Variants in SLIT2 observed in about 807,000 individuals in gnomAD.
The protein encoded by SLIT2 is slit guidance ligand 2.
In SLIT2, 41 loss-of-function variants were observed where a neutral mutation model predicts 185.7. That is an observed-to-expected ratio of 0.22 (90% CI 0.17 to 0.29). The LOEUF (loss-of-function observed/expected upper bound fraction) is 0.29. Among genes scored for constraint, SLIT2 ranks in the 10% least tolerant of loss-of-function variants. The pLI is 1.00. For synonymous variants in SLIT2, 693 were observed against 680.2 expected (o/e 1.02, Z -0.29); for missense variants, 1,571 against 1,909.0 (o/e 0.82, Z 3.30).
chr4:20,406,692 C>G, intron 4 of SLIT2, among the ~76,000 whole-genome samples: 1 of 144,518 alleles, frequency 6.9e-6, no homozygotes, highest in East Asian at 2.5e-4. Flanking sequence ...ACTACAAGGA[C>G]TCTCAAACAT....
At chr4:20,298,698 A>T in intron 4 of SLIT2, among the ~76,000 whole-genome samples, 1 of 152,254 alleles carries the variant, frequency 6.6e-6, no homozygotes, top group Admixed American at 6.5e-5. Flanking sequence ...AAGCCCAAGA[A>T]ACACAATGAG....
intron 1 of SLIT2, among the ~76,000 whole-genome samples, chr4:20,255,426 G>C (rs1711711106): frequency 6.6e-6 from 1 of 152,206 alleles, no homozygotes; most frequent in African/African-American, 2.4e-5. Flanking sequence ...TACTAGGGGT[G>C]CCTTGTCAGG....
At chr4:20,417,364 G>A (rs967970226) in intron 4 of SLIT2, among the ~76,000 whole-genome samples, 2 of 149,716 alleles carry the variant, frequency 1.3e-5, no homozygotes, top group Non-Finnish European at 3.0e-5. Context: ...ATCTTCTTCT[G>A]ACATGCCCAG....
chr4:20,592,798 T>C (rs61375089), intron 30 of SLIT2, among the ~76,000 whole-genome samples: 7,418 of 152,264 alleles, frequency 0.049, 214 homozygotes, highest in African/African-American at 0.074. Flanking sequence ...ACTTAGAGTC[T>C]ATTTAACTTC....
chr4:20,403,657 T>C (rs1726531281), intron 4 of SLIT2, among the ~76,000 whole-genome samples: 1 of 151,934 alleles, frequency 6.6e-6, no homozygotes, highest in African/African-American at 2.4e-5. Flanking sequence ...TTTGGTACTG[T>C]CTTAATTAGC....
At chr4:20,405,340 A>G (rs1726695226) in intron 4 of SLIT2, among the ~76,000 whole-genome samples, 1 of 151,992 alleles carries the variant, frequency 6.6e-6, no homozygotes, top group African/African-American at 2.4e-5. Flanking sequence ...TTGAAGTAAG[A>G]TAATTGTCTA....
chr4:20,257,384 C>T (rs1711959243), intron 2 of SLIT2, among the ~76,000 whole-genome samples: 1 of 151,928 alleles, frequency 6.6e-6, no homozygotes, highest in African/African-American at 2.4e-5. Flanking sequence ...TATTGACATC[C>T]CAGTAGCCAT....
chr4:20,422,405 A>T (rs1335912780), intron 4 of SLIT2, among the ~76,000 whole-genome samples: 2 of 152,154 alleles, frequency 1.3e-5, no homozygotes, highest in Non-Finnish European at 2.9e-5. Context: ...TTAATTAGTC[A>T]TACATTTTTA....
chr4:20,549,705 A>G (rs1723570331), intron 24 of SLIT2, among the ~76,000 whole-genome samples: 1 of 151,744 alleles, frequency 6.6e-6, no homozygotes, highest in South Asian at 2.1e-4. Flanking sequence ...TTTGTTTAAC[A>G]TATGCTTTTG....
chr4:20,434,270 G>C (rs537370411), intron 4 of SLIT2, among the ~76,000 whole-genome samples: 1 of 151,734 alleles, frequency 6.6e-6, no homozygotes, highest in Non-Finnish European at 1.5e-5. Context: ...AGCAGATCAC[G>C]TGAGGTCGGG....
At chr4:20,390,420 A>G (rs1282043681) in intron 4 of SLIT2, among the ~76,000 whole-genome samples, 1 of 152,134 alleles carries the variant, frequency 6.6e-6, no homozygotes, top group East Asian at 1.9e-4. Flanking sequence ...ATGATAGGAA[A>G]AATAATACAG....
chr4:20,578,248 A>G (rs1726233642), intron 29 of SLIT2, among the ~76,000 whole-genome samples: 1 of 152,220 alleles, frequency 6.6e-6, no homozygotes, highest in African/African-American at 2.4e-5. Flanking sequence ...ATGGAGAAAT[A>G]CAAAAATATA....
intron 9 of SLIT2, among the ~76,000 whole-genome samples, chr4:20,506,015 A>G (rs1343447954): frequency 3.9e-5 from 6 of 152,082 alleles, no homozygotes; most frequent in African/African-American, 1.4e-4. Flanking sequence ...CTTCTCATAT[A>G]CTGAGCATGT....
chr4:20,619,614 C>T lies in SLIT2; in HGVS notation c.*605C>T, dbSNP rs1248850108. The T allele has an allele frequency of 2.0e-5, 3 of 152,174 alleles. No homozygotes were observed. In the East Asian group the frequency reaches 5.8e-4, roughly 29 times the overall value. 9.4% of individuals were successfully genotyped at this position (152,174 alleles called of 1,614,324 possible). Reference sequence around the variant, plus strand: ...TGTCAGCATGTCAGCAGAAGCAGCACACAAAAGTCTTTACCATTTTCCAGT... The same window carrying T: ...TGTCAGCATGTCAGCAGAAGCAGCATACAAAAGTCTTTACCATTTTCCAGT... On this transcript the variant is annotated 3_prime_UTR_variant, in exon 37 of 37. Coordinates refer to ENST00000504154, the MANE Select transcript of SLIT2 (RefSeq NM_004787.4).
At chr4:20,322,699 A>C (rs1228378588) in intron 4 of SLIT2, among the ~76,000 whole-genome samples, 1 of 152,060 alleles carries the variant, frequency 6.6e-6, no homozygotes, top group Non-Finnish European at 1.5e-5. Flanking sequence ...ATTATACTTT[A>C]TGTCTTATGC....
chr4:20,533,925 G>A (rs977279503), intron 18 of SLIT2, among the ~76,000 whole-genome samples: 5 of 75,486 alleles, frequency 6.6e-5, no homozygotes, highest in South Asian at 6.7e-4. Context: ...TCCTGCCTTC[G>A]ATGTGTGTTA....
chr4:20,338,868 C>G (rs987190612), intron 4 of SLIT2, among the ~76,000 whole-genome samples: 1 of 151,898 alleles, frequency 6.6e-6, no homozygotes, highest in African/African-American at 2.4e-5. Flanking sequence ...GCAGGAGGAT[C>G]GCTTGAGTCC....
At chr4:20,594,816 A>G (rs1286062624) in intron 30 of SLIT2, among the ~76,000 whole-genome samples, 1 of 152,186 alleles carries the variant, frequency 6.6e-6, no homozygotes. Flanking sequence ...TGGCTGTGGC[A>G]CTTAGAAGTT....
intron 4 of SLIT2, among the ~76,000 whole-genome samples, chr4:20,350,374 C>T (rs2109260626): frequency 6.6e-6 from 1 of 151,758 alleles, no homozygotes; most frequent in African/African-American, 2.4e-5. Flanking sequence ...GTAGATTTCC[C>T]AAAGCATGAG....
Sources: allele counts gnomAD v4.1 joint callset (sites outside exome capture counted in the v4.1 genomes callset), GRCh38; gene constraint gnomAD v4.1.1; transcripts MANE v1.5; gene names NCBI Gene and HGNC (gene_info 2026-07-23, HGNC 2026-07-21).